SANBR: variants seen among roughly 807,000 people sequenced by gnomAD.
SANBR encodes the protein SANT and BTB domain regulator of class switch recombination.
A neutral mutation model predicts 101.8 loss-of-function variants in SANBR; 77 were observed. The ratio of observed to expected loss-of-function variants is 0.76; its 90% confidence interval spans 0.63 to 0.91. The LOEUF (loss-of-function observed/expected upper bound fraction) is 0.91. SANBR is among the 40% of genes least tolerant of loss of function. The pLI is 0.00. For synonymous variants in SANBR, 279 were observed against 274.7 expected (o/e 1.02, Z -0.15); for missense variants, 875 against 853.0 (o/e 1.03, Z -0.32).
In SANBR at chr2:61,070,340, A is replaced by G. The variant is rs757009419; in HGVS notation, c.-9-2A>G. 1.0e-5 allele frequency: 16 copies of G among 1,561,264 alleles called. No homozygotes were observed. Among genetic ancestry groups the G allele is most frequent in the African/African-American group, 2.8e-5 (2 of 71,626 alleles). ...AAAGCTTTTTGTCTTCCCTATCCCT[A>G]GTTCCAAAAGATGAGTCGTGGATAT... On this transcript the variant is annotated splice_acceptor_variant, in intron 2 of 21. Coordinates refer to ENST00000402291, the MANE Select transcript of SANBR (RefSeq NM_001129993.3). LOFTEE classifies it low-confidence loss of function (5UTR_SPLICE).
At chr2:61,130,047 ACT>A (rs1243525636) in intron 20 of SANBR, among the ~76,000 whole-genome samples, 1 of 151,852 alleles carries the variant, frequency 6.6e-6, no homozygotes, top group African/African-American at 2.4e-5. Flanking sequence ...TGTGAAGCAG[ACT>A]CTGATGTTAA....
intron 12 of SANBR, 36 bp downstream of exon 12, chr2:61,097,888 T>G: frequency 6.4e-7 from 1 of 1,569,024 alleles, no homozygotes; most frequent in Non-Finnish European, 8.7e-7. Context: ...AGCTACAGTT[T>G]TTAAAGTATA....
chr2:61,090,994 C>T, intron 10 of SANBR, among the ~76,000 whole-genome samples: 1 of 151,608 alleles, frequency 6.6e-6, no homozygotes. Flanking sequence ...CTGCAGCCTC[C>T]ACCTCCCAGG....
chr2:61,069,726 T>C (rs1310834544), intron 2 of SANBR: 2 of 152,338 alleles, frequency 1.3e-5, no homozygotes, highest in African/African-American at 4.8e-5. Flanking sequence ...CACATTGATA[T>C]AAAAAAGTTC....
intron 10 of SANBR, 52 bp from the exon 11 acceptor site, chr2:61,092,412 T>C: frequency 1.5e-6 from 2 of 1,360,188 alleles, no homozygotes; most frequent in South Asian, 3.5e-5. Flanking sequence ...AATAAATAAA[T>C]AAAACAAATT....
intron 13 of SANBR, among the ~76,000 whole-genome samples, chr2:61,105,146 C>A (rs1356944001): frequency 6.6e-6 from 1 of 151,616 alleles, no homozygotes; most frequent in East Asian, 2.0e-4. Flanking sequence ...TTTGAGAGGC[C>A]GAGGCAGGCC....
At chr2:61,082,900 C>CATT (rs1257692513) in intron 7 of SANBR, among the ~76,000 whole-genome samples, 1 of 152,122 alleles carries the variant, frequency 6.6e-6, no homozygotes, top group Non-Finnish European at 1.5e-5. Flanking sequence ...TTAAAAGATG[C>CATT]ATTATTATTA....
intron 16 of SANBR, among the ~76,000 whole-genome samples, chr2:61,111,212 T>C (rs1294396190): frequency 6.6e-6 from 1 of 152,022 alleles, no homozygotes; most frequent in Admixed American, 6.5e-5. Context: ...GCTAACACAG[T>C]GAAACCCCTT....
At position 61,117,350 on chromosome 2, in the gene SANBR, T is replaced by G; in HGVS notation, c.1837-7T>G. On this transcript the variant is annotated splice_region_variant and splice_polypyrimidine_tract_variant and intron_variant, in intron 17 of 21. Transcript: ENST00000402291. Reference sequence around the variant, plus strand: ...ATTGGGCCTTAATGTTGTCTACTTTTTTTTAGTCAGCTTCTAGAGATGTGT... The same window carrying G: ...ATTGGGCCTTAATGTTGTCTACTTTGTTTTAGTCAGCTTCTAGAGATGTGT... 6.2e-7 allele frequency: 1 copy of G among 1,613,464 alleles called. No homozygotes were observed. Among genetic ancestry groups the G allele is most frequent in the Non-Finnish European group, 8.5e-7 (1 of 1,179,488 alleles).
At chr2:61,088,534 T>C in intron 10 of SANBR, 66 bp downstream of exon 10, 1 of 1,066,788 alleles carries the variant, frequency 9.4e-7, no homozygotes. Flanking sequence ...TTGTTGTTGT[T>C]TTGGAGACGG....
At chr2:61,108,189 T>C (rs561867011) in intron 14 of SANBR, 128 bp from the exon 15 acceptor site, 13 of 494,204 alleles carry the variant, frequency 2.6e-5, no homozygotes, top group African/African-American at 2.4e-4. Flanking sequence ...GAGTTTTAAA[T>C]TATGTTTCAG....
intron 16 of SANBR, among the ~76,000 whole-genome samples, chr2:61,112,987 C>T (rs1315256457): frequency 6.6e-6 from 1 of 152,106 alleles, no homozygotes; most frequent in Non-Finnish European, 1.5e-5. Context: ...ATTATGATCC[C>T]ATTCAGGTTA....
chr2:61,119,855 G>A (rs556249272), intron 20 of SANBR, among the ~76,000 whole-genome samples: 9 of 152,252 alleles, frequency 5.9e-5, no homozygotes, highest in Admixed American at 5.2e-4. Flanking sequence ...CCAGCTACTA[G>A]CGAGACTGAA....
Position 61,106,220 on chromosome 2 carries a change from C to T in SANBR, c.1512-343C>T, listed in dbSNP as rs1263289892. Among the ~76,000 whole-genome samples the T allele has an allele frequency of 4.6e-5, 7 of 151,752 alleles. No individual in the cohort carries two copies. In the East Asian group the frequency reaches 1.4e-3, roughly 30 times the overall value. On this transcript the variant is annotated intron_variant, in intron 13 of 21. Coordinates refer to ENST00000402291, the MANE Select transcript of SANBR (RefSeq NM_001129993.3). ...CAGCCTGGCCAACATGGTGAAACCC[C>T]GTTTCTACAAAAATACAAAAATTAG...
chr2:61,066,144 C>T (rs1681137976), intron 1 of SANBR, 117 bp downstream of exon 1: 1 of 152,258 alleles, frequency 6.6e-6, no homozygotes, highest in Admixed American at 6.6e-5. Context: ...GGGCGGGGTC[C>T]CACTTGCCCA....
Position 61,117,454 on chromosome 2 carries a change from A to C in SANBR, c.1866-13A>C. 1 of 1,613,644 alleles carries C rather than the reference A, an allele frequency of 6.2e-7. No homozygotes were observed. The highest frequency in any genetic ancestry group is 8.5e-7 in the Non-Finnish European group (1 of 1,179,726). Reference sequence around the variant, plus strand: ...AAGCATCAATGCTGATTTTTGTTCAATTTTTTCAATAGTATGAGTATGCAG... The same window carrying C: ...AAGCATCAATGCTGATTTTTGTTCACTTTTTTCAATAGTATGAGTATGCAG... On this transcript the variant is annotated splice_polypyrimidine_tract_variant and intron_variant, in intron 18 of 21. Coordinates refer to ENST00000402291, the MANE Select transcript of SANBR (RefSeq NM_001129993.3).
intron 11 of SANBR, chr2:61,093,493 G>A (rs1305080216): frequency 6.6e-6 from 1 of 152,260 alleles, no homozygotes; most frequent in Non-Finnish European, 1.5e-5. Context: ...TACTCAGTGG[G>A]CTGAAGTGGG....
chr2:61,112,103 T>C (rs1050319178), intron 16 of SANBR, among the ~76,000 whole-genome samples: 4 of 152,200 alleles, frequency 2.6e-5, no homozygotes, highest in Non-Finnish European at 5.9e-5. Context: ...AGTGTATGTT[T>C]CACTTTATAA....
At chr2:61,083,348 T>G in intron 8 of SANBR, 34 bp downstream of exon 8, 1 of 1,212,876 alleles carries the variant, frequency 8.2e-7, no homozygotes, top group Non-Finnish European at 1.2e-6. Flanking sequence ...AACCTAATAC[T>G]CCTGTTAAAA....
Sources: gnomAD v4.1 joint callset for allele counts (sites outside exome capture counted in the v4.1 genomes callset) on GRCh38, gnomAD v4.1.1 for gene constraint, MANE v1.5 for transcripts, NCBI Gene and HGNC (gene_info 2026-07-23, HGNC 2026-07-21) for gene names.